The following AGPS variants were observed in gnomAD, a reference collection of about 807,000 sequenced individuals.
The protein encoded by AGPS is alkyldihydroxyacetonephosphate synthase, peroxisomal.
A neutral mutation model predicts 90.7 loss-of-function variants in AGPS; 26 were observed. The observed-to-expected ratio is 0.29, with a 90% CI of 0.21 to 0.40. The LOEUF is 0.40. Ranked by LOEUF, AGPS falls within the 10% of genes least tolerant of loss-of-function variation. The pLI is 1.00. For missense variants in AGPS, 540 were observed against 816.1 expected (o/e 0.66, Z 4.12); for synonymous variants, 294 against 285.3 (o/e 1.03, Z -0.31).
chr2:177,524,665 C>T (rs2079065119), intron 19 of AGPS, among the ~76,000 whole-genome samples: 1 of 151,970 alleles, frequency 6.6e-6, no homozygotes, highest in African/African-American at 2.4e-5. Flanking sequence ...ATTCATAGCA[C>T]TTATTATTAT....
intron 10 of AGPS, among the ~76,000 whole-genome samples, chr2:177,472,525 G>A (rs868535302): frequency 1.3e-5 from 2 of 151,990 alleles, no homozygotes; most frequent in Non-Finnish European, 2.9e-5. Context: ...CTTCAGGATC[G>A]TGGCTGGTTT....
At chr2:177,486,932 T>C (rs759901030) in intron 11 of AGPS, among the ~76,000 whole-genome samples, 6 of 151,810 alleles carry the variant, frequency 4.0e-5, no homozygotes, top group Non-Finnish European at 5.9e-5. Context: ...TAAGTGGCAG[T>C]CCAGTATAAT....
chr2:177,532,799 T>TA (rs1248744491), intron 19 of AGPS, among the ~76,000 whole-genome samples: 3 of 152,078 alleles, frequency 2.0e-5, no homozygotes, highest in Non-Finnish European at 2.9e-5. Context: ...CAGCAATAAA[T>TA]AAAAACAATG....
At chr2:177,457,229 A>G (rs1340899957) in intron 8 of AGPS, among the ~76,000 whole-genome samples, 1 of 152,218 alleles carries the variant, frequency 6.6e-6, no homozygotes, top group African/African-American at 2.4e-5. Flanking sequence ...AAATGCCCAC[A>G]AGAGAAAGCA....
chr2:177,449,864 G>A (rs1429616564), intron 8 of AGPS, among the ~76,000 whole-genome samples: 1 of 151,230 alleles, frequency 6.6e-6, no homozygotes, highest in African/African-American at 2.4e-5. Context: ...TTGAGATGGA[G>A]TGTCGCTCTG....
Position 177,505,561 on chromosome 2 carries a change from AT to A in AGPS, c.1533del (p.Ile511MetfsTer14), listed in dbSNP as rs770251083. On this transcript the variant is annotated frameshift_variant, in exon 15 of 20. Coordinates refer to ENST00000264167, the MANE Select transcript of AGPS (RefSeq NM_003659.4). LOFTEE classifies it high-confidence loss of function. ...GQRGYLLTYV[I>X]AYIRDLALEY... ...GAGAGGTTATTTGCTGACCTATGTTATTGCATACATTCGAGTAAGTTATATC... is the reference window on the plus strand; with the variant it reads ...GAGAGGTTATTTGCTGACCTATGTTATGCATACATTCGAGTAAGTTATATC... The A allele has an allele frequency of 6.2e-7, 1 of 1,611,866 alleles. No homozygotes were observed.
At chr2:177,531,536 G>T (rs2079137235) in intron 19 of AGPS, among the ~76,000 whole-genome samples, 2 of 152,074 alleles carry the variant, frequency 1.3e-5, no homozygotes, top group Admixed American at 6.6e-5. Context: ...TCATGGTTTG[G>T]TAGAAAACTC....
At chr2:177,509,264 T>C (rs1688796777) in intron 16 of AGPS, among the ~76,000 whole-genome samples, 1 of 152,194 alleles carries the variant, frequency 6.6e-6, no homozygotes, top group African/African-American at 2.4e-5. Context: ...TTAAGTCAGA[T>C]TTCTCAAGTT....
chr2:177,513,091 T>C (rs1688926561), intron 16 of AGPS, among the ~76,000 whole-genome samples: 1 of 151,484 alleles, frequency 6.6e-6, no homozygotes, highest in Admixed American at 6.6e-5. Context: ...GAATCATTAT[T>C]ATTATTATTA....
intron 16 of AGPS, among the ~76,000 whole-genome samples, chr2:177,512,134 A>G (rs995267939): frequency 4.6e-5 from 7 of 152,096 alleles, no homozygotes; most frequent in Non-Finnish European, 7.4e-5. Context: ...TAAATTTGTA[A>G]TATACGTTAA....
At chr2:177,517,661 G>A (rs2105729903) in intron 17 of AGPS, among the ~76,000 whole-genome samples, 1 of 152,076 alleles carries the variant, frequency 6.6e-6, no homozygotes, top group African/African-American at 2.4e-5. Context: ...TAATTTTGGG[G>A]GAGGTGTAAC....
intron 5 of AGPS, among the ~76,000 whole-genome samples, chr2:177,439,947 T>C (rs746006896): frequency 2.6e-5 from 4 of 152,124 alleles, no homozygotes; most frequent in Admixed American, 6.5e-5. Context: ...TTTTGTTACT[T>C]GTATAACTTT....
intron 10 of AGPS, among the ~76,000 whole-genome samples, chr2:177,475,301 G>C (rs1329117352): frequency 6.6e-6 from 1 of 152,158 alleles, no homozygotes; most frequent in African/African-American, 2.4e-5. Context: ...TACTTGTCTT[G>C]GTGAGAAAGA....
intron 1 of AGPS, among the ~76,000 whole-genome samples, chr2:177,406,757 A>G (rs568256186): frequency 1.3e-5 from 2 of 152,286 alleles, no homozygotes; most frequent in South Asian, 2.1e-4. Context: ...AGTAATAACA[A>G]TCTCTTATTT....
intron 19 of AGPS, among the ~76,000 whole-genome samples, chr2:177,525,190 A>C (rs1044326425): frequency 6.6e-6 from 1 of 152,172 alleles, no homozygotes; most frequent in African/African-American, 2.4e-5. Context: ...GTCCAAACCT[A>C]ATTTTGGAAA....
chr2:177,432,379 A>G (rs973430230), intron 2 of AGPS, among the ~76,000 whole-genome samples: 6 of 152,244 alleles, frequency 3.9e-5, no homozygotes, highest in Non-Finnish European at 4.4e-5. Context: ...AACAATTGGT[A>G]TAAGTGCTTA....
At chr2:177,531,853 T>C (rs1224309389) in intron 19 of AGPS, among the ~76,000 whole-genome samples, 2 of 151,418 alleles carry the variant, frequency 1.3e-5, no homozygotes, top group Admixed American at 6.6e-5. Flanking sequence ...TATGCCAAGC[T>C]GAGTTTGACG....
chr2:177,442,788 A>C (rs1172751772), intron 7 of AGPS, among the ~76,000 whole-genome samples: 1 of 149,814 alleles, frequency 6.7e-6, no homozygotes, highest in Non-Finnish European at 1.5e-5. Flanking sequence ...TGGAGGTTGC[A>C]GTGAGCCAAG....
intron 10 of AGPS, among the ~76,000 whole-genome samples, chr2:177,481,687 T>C (rs1222576916): frequency 6.6e-6 from 1 of 152,020 alleles, no homozygotes; most frequent in African/African-American, 2.4e-5. Flanking sequence ...AGCACAAATA[T>C]CAAAATACGC....
Sources: allele counts gnomAD v4.1 joint callset (sites outside exome capture counted in the v4.1 genomes callset), GRCh38; gene constraint gnomAD v4.1.1; transcripts MANE v1.5; gene names NCBI Gene and HGNC (gene_info 2026-07-23, HGNC 2026-07-21).